RNF144B: variants seen among roughly 807,000 people sequenced by gnomAD.
RNF144B encodes E3 ubiquitin-protein ligase RNF144B.
A neutral mutation model predicts 40.2 loss-of-function variants in RNF144B; 25 were observed. The observed-to-expected ratio is 0.62, with a 90% CI of 0.45 to 0.87. The LOEUF is 0.87. Among genes scored for constraint, RNF144B ranks in the 40% least tolerant of loss-of-function variants. The pLI, the probability that RNF144B is intolerant of heterozygous loss-of-function variation, is 0.00. For synonymous variants in RNF144B, 145 were observed against 136.3 expected, an observed-to-expected ratio of 1.06 and a Z score of -0.44; for missense variants, 365 against 373.7, an observed-to-expected ratio of 0.98 and a Z score of 0.19.
At chr6:18,391,484 A>G (rs1794578463) in intron 1 of RNF144B, among the ~76,000 whole-genome samples, 1 of 152,166 alleles carries the variant, frequency 6.6e-6, no homozygotes. Context: ...ATAAGTTTAT[A>G]TTGTTTGGAA....
Position 18,422,681 on chromosome 6 carries a change from G to A in RNF144B, c.166-4900G>A, listed in dbSNP as rs1023105475. ...GTCAACTTAAATTTTCAATGAATGG[G>A]CCAGTTGCAGTGGCTCACACCTGTA... On this transcript the variant is annotated intron_variant, in intron 2 of 7. Transcript: ENST00000259939. This position sits in a 1 kb window ranked among gnomAD's most constrained non-coding sequence, Gnocchi z 4.7. Among the ~76,000 whole-genome samples the A allele has an allele frequency of 6.6e-6, 1 of 152,114 alleles. No individual in the cohort carries two copies. The highest frequency in any genetic ancestry group is 2.4e-5 in the African/African-American group (1 of 41,430).
At chr6:18,420,057 T>A (rs147102618) in intron 2 of RNF144B, among the ~76,000 whole-genome samples, 1 of 152,242 alleles carries the variant, frequency 6.6e-6, no homozygotes, top group East Asian at 1.9e-4. Flanking sequence ...ATGTTTCAGT[T>A]ATCAGAGGTG....
intron 3 of RNF144B, among the ~76,000 whole-genome samples, chr6:18,428,886 C>T (rs568705238): frequency 6.6e-6 from 1 of 152,070 alleles, no homozygotes; most frequent in African/African-American, 2.4e-5. Context: ...GCCATAATTA[C>T]GTGGCTTTGA....
In RNF144B at chr6:18,458,992, A is replaced by T. The variant is rs116155032; in HGVS notation, c.537-615A>T. On this transcript the variant is annotated intron_variant, in intron 5 of 7. Coordinates refer to ENST00000259939, the MANE Select transcript of RNF144B (RefSeq NM_182757.4). This position sits in a 1 kb window ranked among gnomAD's most constrained non-coding sequence, Gnocchi z 4.8. ...GAGGTTATTGTTCATACGAAGTCTG[A>T]TAATAGATTTGACAACACTCTGTGA... Among the ~76,000 whole-genome samples the T allele has an allele frequency of 6.6e-6, 1 of 152,180 alleles. No individual in the cohort carries two copies. Among genetic ancestry groups the T allele is most frequent in the African/African-American group, 2.4e-5 (1 of 41,448 alleles).
intron 2 of RNF144B, among the ~76,000 whole-genome samples, chr6:18,415,013 A>G (rs1345689242): frequency 2.0e-5 from 3 of 152,148 alleles, no homozygotes; most frequent in Non-Finnish European, 2.9e-5. Context: ...ATGGTGTAGT[A>G]TTTGCATGTA....
At position 18,447,590 on chromosome 6, in the gene RNF144B, G is replaced by A. The variant is rs1582439369; in HGVS notation, c.331+7846G>A. Among the ~76,000 whole-genome samples the A allele has an allele frequency of 6.6e-6, 1 of 152,176 alleles. No homozygotes were observed. Among genetic ancestry groups the A allele is most frequent in the African/African-American group, 2.4e-5 (1 of 41,426 alleles). On this transcript the variant is annotated intron_variant, in intron 4 of 7. Coordinates refer to ENST00000259939, the MANE Select transcript of RNF144B (RefSeq NM_182757.4). This position sits in a 1 kb window ranked among gnomAD's most constrained non-coding sequence, Gnocchi z 5.6. ...GGAGATTTATTAGGAGGCTGTGGTAGTGATCCAGTCCAAAACAGTACAGTA... is the reference window on the plus strand; with the variant it reads ...GGAGATTTATTAGGAGGCTGTGGTAATGATCCAGTCCAAAACAGTACAGTA...
chr6:18,463,209 C>T (rs1759505866), intron 6 of RNF144B, 82 bp from the exon 7 acceptor site: 2 of 881,386 alleles, frequency 2.3e-6, no homozygotes, highest in African/African-American at 1.6e-5. Flanking sequence ...CTTTGCCTTC[C>T]ATTTGGTGAT....
chr6:18,395,580 T>TC lies in RNF144B; in HGVS notation c.-36-3919_-36-3918insC, dbSNP rs1794676577. 1.4e-5 allele frequency among the ~76,000 whole-genome samples: 2 copies of TC among 148,122 alleles called. No homozygotes were observed. Among genetic ancestry groups the TC allele is most frequent in the Admixed American group, 1.3e-4 (2 of 14,892 alleles). On this transcript the variant is annotated intron_variant, in intron 1 of 7. Coordinates refer to ENST00000259939, the MANE Select transcript of RNF144B (RefSeq NM_182757.4). This position sits in a 1 kb window ranked among gnomAD's most constrained non-coding sequence, Gnocchi z 4.5. ...GAAAGGATTTCTTGTTTGATATTCT[T>TC]TTTTTTTTTTAAATGAAGTGCTCAC...
intron 4 of RNF144B, among the ~76,000 whole-genome samples, chr6:18,440,029 C>G (rs1316683965): frequency 6.6e-6 from 1 of 152,154 alleles, no homozygotes; most frequent in Non-Finnish European, 1.5e-5. Flanking sequence ...GCTTTATAAT[C>G]ACAATAATAC....
At chr6:18,411,652 C>T (rs1430419103) in intron 2 of RNF144B, among the ~76,000 whole-genome samples, 1 of 150,786 alleles carries the variant, frequency 6.6e-6, no homozygotes, top group Admixed American at 6.6e-5. Context: ...TACAAACATG[C>T]GCCACCGCAC....
chr6:18,397,087 G>C (rs1794707298), intron 1 of RNF144B, among the ~76,000 whole-genome samples: 1 of 152,166 alleles, frequency 6.6e-6, no homozygotes, highest in Admixed American at 6.5e-5. Flanking sequence ...CTGAGTACTG[G>C]GAGTAGGTGA....
At chr6:18,440,873 A>T (rs1252504448) in intron 4 of RNF144B, among the ~76,000 whole-genome samples, 1 of 147,020 alleles carries the variant, frequency 6.8e-6, no homozygotes, top group Non-Finnish European at 1.5e-5. Flanking sequence ...TAAGGCTGAT[A>T]TATTAAGCTA....
chr6:18,421,898 T>G (rs552675969), intron 2 of RNF144B, among the ~76,000 whole-genome samples: 1 of 152,250 alleles, frequency 6.6e-6, no homozygotes, highest in East Asian at 1.9e-4. Context: ...TCTTTTAAAC[T>G]GTGCTTATTT....
At chr6:18,426,398 A>G (rs1343457213) in intron 2 of RNF144B, among the ~76,000 whole-genome samples, 1 of 152,200 alleles carries the variant, frequency 6.6e-6, no homozygotes, top group Non-Finnish European at 1.5e-5. Context: ...TTGAAGAACC[A>G]ATTACTTAGA....
chr6:18,391,418 G>A (rs913346851), intron 1 of RNF144B, among the ~76,000 whole-genome samples: 1 of 152,146 alleles, frequency 6.6e-6, no homozygotes, highest in African/African-American at 2.4e-5. Flanking sequence ...ATGCAAAATT[G>A]CCATGCCAAA....
chr6:18,451,148 A>T (rs1441306519), intron 4 of RNF144B, among the ~76,000 whole-genome samples: 2 of 152,060 alleles, frequency 1.3e-5, no homozygotes, highest in African/African-American at 4.8e-5. Context: ...ATTTATTTGC[A>T]TTGCTTGGTT....
chr6:18,390,705 C>T (rs191591879), intron 1 of RNF144B, among the ~76,000 whole-genome samples: 94 of 152,340 alleles, frequency 6.2e-4, no homozygotes, highest in Admixed American at 3.8e-3. Flanking sequence ...CAAGACAACT[C>T]GTTTCTGTCT....
rs994228336 is a variant in RNF144B, at chr6:18,450,199, A to G, written c.332-6956A>G. 1.3e-5 allele frequency among the ~76,000 whole-genome samples: 2 copies of G among 151,984 alleles called. No individual in the cohort carries two copies. The highest frequency in any genetic ancestry group is 4.8e-5 in the African/African-American group (2 of 41,384). The stretch of plus-strand genomic sequence containing the variant: ...GCAGGTTTTATATTAATGTATTGAT[A>G]TGTTTACTTCCAATTCATTACTTTC... On this transcript the variant is annotated intron_variant, in intron 4 of 7. Coordinates refer to ENST00000259939, the MANE Select transcript of RNF144B (RefSeq NM_182757.4). The surrounding 1 kb of genome is among the most constrained non-coding windows in gnomAD (Gnocchi z 4.7).
Position 18,427,669 on chromosome 6 carries a change from C to A in RNF144B, c.254C>A (p.Thr85Asn). 1 of 1,610,998 alleles carries A rather than the reference C, an allele frequency of 6.2e-7. No individual in the cohort carries two copies. The highest frequency in any genetic ancestry group is 8.5e-7 in the Non-Finnish European group (1 of 1,177,372). The change falls in exon 3 of 8, where the codon ACC becomes AAC. Residue 85 changes from threonine to asparagine, a missense_variant. Transcript: ENST00000259939. ...CPDMVCLNHG[T>N]LQEAEIACLV... ...GACATGGTGTGCCTAAACCACGGGA[C>A]CCTGCAGGAAGCTGAGGTATGAATG...
Sources: gnomAD v4.1 joint callset for allele counts (sites outside exome capture counted in the v4.1 genomes callset) on GRCh38, gnomAD v4.1.1 for gene constraint, Gnocchi (gnomAD v3.1) non-coding constraint, MANE v1.5 for transcripts, NCBI Gene and HGNC (gene_info 2026-07-23, HGNC 2026-07-21) for gene names.